Variants in ZNF431 observed in about 807,000 individuals in gnomAD.
ZNF431 encodes zinc finger protein 431.
In ZNF431, 34 loss-of-function variants were observed where a neutral mutation model predicts 57.0. That is an observed-to-expected ratio of 0.60 (90% CI 0.45 to 0.79). The LOEUF (loss-of-function observed/expected upper bound fraction) is 0.79. ZNF431 is among the 30% of genes least tolerant of loss of function. The probability of loss-of-function intolerance (pLI) is 0.00; values close to 1 mark genes in which losing one functional copy is unlikely to be tolerated. For synonymous variants in ZNF431, 207 were observed against 220.3 expected, an observed-to-expected ratio of 0.94 and a Z score of 0.54; for missense variants, 607 against 667.1, an observed-to-expected ratio of 0.91 and a Z score of 0.99.
chr19:21,152,424 C>T (rs1054235063), intron 2 of ZNF431, among the ~76,000 whole-genome samples: 2 of 152,252 alleles, frequency 1.3e-5, no homozygotes, highest in East Asian at 1.9e-4. Context: ...AGAAAAAGAT[C>T]CCCATGTCCC....
At position 21,170,443 on chromosome 19, in the gene ZNF431, C is replaced by T. The variant is rs868511632; in HGVS notation, c.319+2777C>T. ...TTTCGATTTTCCATTTCAAACTTCT[C>T]TGTCATTTTAGATTCAGACATTTAG... On this transcript the variant is annotated intron_variant, in intron 4 of 4. Transcript: ENST00000311048. Among the ~76,000 whole-genome samples the T allele has an allele frequency of 4.0e-5, 6 of 151,468 alleles. No homozygotes were observed. In the South Asian group the frequency reaches 6.3e-4, roughly 16 times the overall value.
chr19:21,155,753 TG>T (rs372673685), intron 2 of ZNF431, among the ~76,000 whole-genome samples: 16 of 152,268 alleles, frequency 1.1e-4, no homozygotes, highest in African/African-American at 3.4e-4. Context: ...AGAATTGAAA[TG>T]TTAGACACTG....
intron 4 of ZNF431, among the ~76,000 whole-genome samples, chr19:21,181,717 TTGTC>T (rs1184370102): frequency 6.6e-6 from 1 of 152,094 alleles, no homozygotes. Flanking sequence ...TTTTCTATAG[TTGTC>T]TGTGTCCTTA....
In ZNF431 at chr19:21,189,994, A is replaced by C. The variant is rs998152316; in HGVS notation, c.*5960A>C. The C allele has an allele frequency of 2.0e-5, 8 of 395,912 alleles. No individual in the cohort carries two copies. Among genetic ancestry groups the C allele is most frequent in the Non-Finnish European group, 3.6e-5 (8 of 224,966 alleles). The allele number at this position is 395,912 out of a possible 1,614,324, so 24.5% of individuals were successfully genotyped here. A position where few individuals can be genotyped will look rare whatever the true frequency, so the allele number is the denominator to read the frequency against. On this transcript the variant is annotated 3_prime_UTR_variant, in exon 5 of 5. Transcript: ENST00000311048. ...CCCCATCTCTACTAAAAATACAAAAACAACAAAACAAAAACAAAAAACACC... is the reference window on the plus strand; with the variant it reads ...CCCCATCTCTACTAAAAATACAAAACCAACAAAACAAAAACAAAAAACACC...
chr19:21,175,238 T>A (rs577548964), intron 4 of ZNF431, among the ~76,000 whole-genome samples: 2 of 152,268 alleles, frequency 1.3e-5, no homozygotes, highest in African/African-American at 4.8e-5. Context: ...CTTTTTTCTG[T>A]AGAGACAGTT....
At chr19:21,167,333 A>T (rs1335773754) in intron 3 of ZNF431, among the ~76,000 whole-genome samples, 3 of 148,524 alleles carry the variant, frequency 2.0e-5, no homozygotes, top group Non-Finnish European at 4.5e-5. Flanking sequence ...CTAATTTTGT[A>T]TTTTTAGTAG....
At chr19:21,164,399 A>G (rs1400947179) in intron 2 of ZNF431, among the ~76,000 whole-genome samples, 2 of 152,030 alleles carry the variant, frequency 1.3e-5, no homozygotes, top group Non-Finnish European at 2.9e-5. Flanking sequence ...AAAGAGGAAC[A>G]CTTTTAATAT....
chr19:21,159,677 A>G (rs537439584), intron 2 of ZNF431, among the ~76,000 whole-genome samples: 15 of 152,238 alleles, frequency 9.9e-5, no homozygotes, highest in African/African-American at 3.6e-4. Context: ...GGCTGATGCT[A>G]TTCTTATATA....
intron 2 of ZNF431, chr19:21,162,730 C>G: frequency 1.0e-6 from 1 of 985,316 alleles, no homozygotes; most frequent in Non-Finnish European, 1.2e-6. Flanking sequence ...AGCTGGTGCT[C>G]AAAATTTCAG....
chr19:21,161,353 A>G (rs1290000375), intron 2 of ZNF431, among the ~76,000 whole-genome samples: 1 of 152,188 alleles, frequency 6.6e-6, no homozygotes, highest in Non-Finnish European at 1.5e-5. Context: ...GACTTCTGAT[A>G]TCATCTGAAG....
At chr19:21,144,505 G>A (rs1252045358) in intron 2 of ZNF431, among the ~76,000 whole-genome samples, 1 of 151,982 alleles carries the variant, frequency 6.6e-6, no homozygotes. Flanking sequence ...TGCCTGGCAG[G>A]TAGGAAAATA....
At chr19:21,148,805 A>G (rs1311857153) in intron 2 of ZNF431, among the ~76,000 whole-genome samples, 2 of 152,224 alleles carry the variant, frequency 1.3e-5, no homozygotes, top group Non-Finnish European at 2.9e-5. Flanking sequence ...GAAGTCTAGG[A>G]CACAGACACA....
chr19:21,152,630 C>T (rs1167649489), intron 2 of ZNF431, among the ~76,000 whole-genome samples: 1 of 152,136 alleles, frequency 6.6e-6, no homozygotes, highest in Non-Finnish European at 1.5e-5. Context: ...GGCCTCAAAT[C>T]CAAGTTCAGT....
At chr19:21,161,527 A>G (rs899615935) in intron 2 of ZNF431, among the ~76,000 whole-genome samples, 3 of 152,216 alleles carry the variant, frequency 2.0e-5, no homozygotes, top group African/African-American at 7.2e-5. Flanking sequence ...TTAAAGTTAC[A>G]TAAACTCTGG....
At chr19:21,156,480 C>T (rs757023764) in intron 2 of ZNF431, among the ~76,000 whole-genome samples, 6 of 151,250 alleles carry the variant, frequency 4.0e-5, no homozygotes, top group East Asian at 2.0e-4. Context: ...AGGTACTAAG[C>T]GTAAAACCGA....
rs1296999704 is a variant in ZNF431, at chr19:21,194,359, T to C, written c.*10325T>C. On this transcript the variant is annotated 3_prime_UTR_variant, in exon 5 of 5. Transcript: ENST00000311048. Reference sequence around the variant, plus strand: ...CATTACTGAAAGTAATCAGAGACAATTCAAATAAAAAAGCTTTCTATGCTC... The same window carrying C: ...CATTACTGAAAGTAATCAGAGACAACTCAAATAAAAAAGCTTTCTATGCTC... The C allele has an allele frequency of 1.3e-5, 2 of 152,096 alleles. No homozygotes were observed. The highest frequency in any genetic ancestry group is 2.9e-5 in the Non-Finnish European group (2 of 68,016). The allele number at this position is 152,096 out of a possible 1,614,324, so 9.4% of individuals were successfully genotyped here.
At position 21,182,970 on chromosome 19, in the gene ZNF431, A is replaced by G. The variant is rs750409867; in HGVS notation, c.667A>G (p.Lys223Glu). The change falls in exon 5 of 5, where the codon AAA (lysine) becomes GAA (glutamate). Residue 223 changes from lysine (K) to glutamate (E), a missense_variant. By Grantham distance (56) the Lys-to-Glu change is moderately conservative. Transcript: ENST00000311048. ...FCMLLHLSQHKRIHIRENSYQ... is the reference protein window; with the variant it reads ...FCMLLHLSQHERIHIRENSYQ... ...CATGCTTTTACACCTAAGTCAACAT[A>G]AAAGAATTCATATTAGAGAGAATTC... is the stretch of plus-strand genomic sequence containing the variant. 1.2e-6 allele frequency: 2 copies of G among 1,614,130 alleles called. No homozygotes were observed. Among genetic ancestry groups the G allele is most frequent in the East Asian group, 4.5e-5 (2 of 44,874 alleles).
rs1971377295 is a variant in ZNF431, at chr19:21,186,448, G to A, written c.*2414G>A. On this transcript the variant is annotated 3_prime_UTR_variant, in exon 5 of 5. Coordinates refer to ENST00000311048, the MANE Select transcript of ZNF431 (RefSeq NM_133473.4). ...AAGAAAATTATGGAGTTAAGTATGT[G>A]TGTGTGAGTATGAGTTTGTACATAT... 1 of 152,196 alleles carries A rather than the reference G, an allele frequency of 6.6e-6. No individual in the cohort carries two copies. The highest frequency in any genetic ancestry group is 2.4e-5 in the African/African-American group (1 of 41,440). The allele number at this position is 152,196 out of a possible 1,614,324, so 9.4% of individuals were successfully genotyped here.
intron 4 of ZNF431, among the ~76,000 whole-genome samples, chr19:21,174,934 G>A (rs375890180): frequency 3.3e-4 from 50 of 152,152 alleles, no homozygotes; most frequent in African/African-American, 1.2e-3. Context: ...GCTAATTTTT[G>A]TATTTTTAGT....
Sources: gnomAD v4.1 joint callset for allele counts (sites outside exome capture counted in the v4.1 genomes callset) on GRCh38, gnomAD v4.1.1 for gene constraint, MANE v1.5 for transcripts, NCBI Gene and HGNC (gene_info 2026-07-23, HGNC 2026-07-21) for gene names.